Variants in TANC2 observed in about 807,000 individuals in gnomAD.
TANC2 encodes tetratricopeptide repeat, ankyrin repeat and coiled-coil containing 2.
Under a neutral mutation model 210.5 loss-of-function variants are expected in TANC2, and 26 were observed. That is an observed-to-expected ratio of 0.12 (90% CI 0.09 to 0.17). TANC2 has a LOEUF of 0.17. TANC2 is among the 10% of genes least tolerant of loss of function. TANC2 has a pLI of 1.00. For missense variants in TANC2, 2,129 were observed against 2,608.9 expected, an observed-to-expected ratio of 0.82 and a Z score of 4.01; for synonymous variants, 931 against 967.1, an observed-to-expected ratio of 0.96 and a Z score of 0.69.
intron 11 of TANC2, chr17:63,332,112 G>T: frequency 2.9e-6 from 1 of 346,476 alleles, no homozygotes; most frequent in Non-Finnish European, 5.7e-6. Context: ...GGTACCACAG[G>T]AGAATTTTTG....
At chr17:63,090,336 A>G (rs2037137823) in intron 3 of TANC2, among the ~76,000 whole-genome samples, 1 of 151,540 alleles carries the variant, frequency 6.6e-6, no homozygotes, top group African/African-American at 2.4e-5. Flanking sequence ...TACATTAGGT[A>G]CATCTCCTAG....
In TANC2 at chr17:63,091,387, A is replaced by G. The variant is rs1270101970; in HGVS notation, c.140-7788A>G. Reference sequence around the variant, plus strand: ...TAATCCATCTTGAATTAATTTTTGTATAAGGTGAAAGGAAGGGATCCAGTT... The same window carrying G: ...TAATCCATCTTGAATTAATTTTTGTGTAAGGTGAAAGGAAGGGATCCAGTT... On this transcript the variant is annotated intron_variant, in intron 3 of 27. Transcript: ENST00000689528. 3.9e-5 allele frequency among the ~76,000 whole-genome samples: 6 copies of G among 152,166 alleles called. No individual in the cohort carries two copies. The South Asian group carries it at 6.2e-4, about 16-fold the overall frequency.
intron 2 of TANC2, among the ~76,000 whole-genome samples, chr17:63,024,572 C>CTAACT (rs1370561749): frequency 2.0e-5 from 3 of 152,140 alleles, no homozygotes; most frequent in African/African-American, 7.2e-5. Context: ...TAAGAATGCC[C>CTAACT]TAACTTACTG....
At chr17:63,233,736 G>A (rs1437818564) in intron 7 of TANC2, among the ~76,000 whole-genome samples, 2 of 152,184 alleles carry the variant, frequency 1.3e-5, no homozygotes, top group African/African-American at 4.8e-5. Context: ...GCACACCACT[G>A]GCCCCAACCC....
chr17:63,027,683 T>C (rs1172575719), intron 2 of TANC2, among the ~76,000 whole-genome samples: 1 of 152,006 alleles, frequency 6.6e-6, no homozygotes, highest in African/African-American at 2.4e-5. Context: ...CATGTACTCA[T>C]AATAGTGAAA....
chr17:62,990,058 T>C (rs991116879), intron 1 of TANC2, among the ~76,000 whole-genome samples: 2 of 152,160 alleles, frequency 1.3e-5, no homozygotes, highest in African/African-American at 2.4e-5. Context: ...ATTACAGGCA[T>C]GAGCCACTGC....
intron 7 of TANC2, among the ~76,000 whole-genome samples, chr17:63,207,915 A>G (rs2041772378): frequency 6.6e-6 from 1 of 152,208 alleles, no homozygotes; most frequent in Admixed American, 6.5e-5. Flanking sequence ...TCATTTTGCC[A>G]ATCTGGATGA....
intron 7 of TANC2, among the ~76,000 whole-genome samples, chr17:63,218,287 C>A (rs1405595284): frequency 1.3e-5 from 2 of 151,648 alleles, no homozygotes. Flanking sequence ...AAAAAAAAAT[C>A]GACAAAAAGT....
intron 5 of TANC2, among the ~76,000 whole-genome samples, chr17:63,166,576 G>A (rs905958647): frequency 1.3e-5 from 2 of 152,180 alleles, no homozygotes; most frequent in African/African-American, 4.8e-5. Context: ...GATTCTAACT[G>A]CAAAAGAAAA....
Position 63,369,945 on chromosome 17 carries a change from A to G in TANC2, c.2583-9773A>G, listed in dbSNP as rs867081949. Among the ~76,000 whole-genome samples, 4 of 151,438 alleles carry G rather than the reference A, an allele frequency of 2.6e-5. No homozygotes were observed. The South Asian group carries it at 6.3e-4, about 24-fold the overall frequency. Reference sequence around the variant, plus strand: ...CCCTCCATCCTTACCTTCCCTACACAAAAAAAAGACCAAGCGCTTTTGAGT... The same window carrying G: ...CCCTCCATCCTTACCTTCCCTACACGAAAAAAAGACCAAGCGCTTTTGAGT... On this transcript the variant is annotated intron_variant, in intron 14 of 27. Transcript: ENST00000689528.
intron 3 of TANC2, chr17:63,089,097 C>G (rs926383815): frequency 6.6e-6 from 1 of 152,228 alleles, no homozygotes; most frequent in African/African-American, 2.4e-5. Flanking sequence ...CAAGTCTGCA[C>G]TGGAGATTCT....
intron 9 of TANC2, among the ~76,000 whole-genome samples, chr17:63,294,698 T>G (rs1401794280): frequency 1.3e-5 from 2 of 152,190 alleles, no homozygotes; most frequent in East Asian, 3.9e-4. Flanking sequence ...ACCTATCTCT[T>G]TATGCACCTA....
chr17:63,307,657 C>A (rs1031363042), intron 9 of TANC2, among the ~76,000 whole-genome samples: 1 of 152,114 alleles, frequency 6.6e-6, no homozygotes. Flanking sequence ...TGGTGTGGTT[C>A]TTTGATTTTC....
At chr17:63,172,650 C>T (rs2040443755) in intron 5 of TANC2, among the ~76,000 whole-genome samples, 1 of 152,090 alleles carries the variant, frequency 6.6e-6, no homozygotes. Flanking sequence ...GTGATGTAGT[C>T]ACTGAAACAT....
intron 1 of TANC2, among the ~76,000 whole-genome samples, chr17:62,968,213 T>C (rs1293541219): frequency 6.6e-6 from 1 of 152,216 alleles, no homozygotes; most frequent in Non-Finnish European, 1.5e-5. Context: ...AGTGTGAATA[T>C]ACTATATAAC....
intron 8 of TANC2, among the ~76,000 whole-genome samples, chr17:63,259,083 G>T (rs180746511): frequency 1.3e-5 from 2 of 152,116 alleles, no homozygotes; most frequent in Admixed American, 1.3e-4. Context: ...AAGGTAGCAG[G>T]TTCCCTTCTG....
At chr17:63,210,253 C>T (rs2041844141) in intron 7 of TANC2, among the ~76,000 whole-genome samples, 1 of 152,202 alleles carries the variant, frequency 6.6e-6, no homozygotes, top group Non-Finnish European at 1.5e-5. Context: ...CTCTCTGTTC[C>T]TTGACTCCTA....
At chr17:63,140,122 A>G (rs750138230) in intron 4 of TANC2, among the ~76,000 whole-genome samples, 3 of 152,228 alleles carry the variant, frequency 2.0e-5, no homozygotes, top group Non-Finnish European at 2.9e-5. Flanking sequence ...TAACTAGAAG[A>G]TTAACTAGAA....
chr17:63,099,063 G>T, intron 3 of TANC2, 112 bp from the exon 4 acceptor site: 1 of 1,111,516 alleles, frequency 9.0e-7, no homozygotes, highest in South Asian at 1.4e-5. Context: ...AAAATACTTT[G>T]ATTTTTCACA....
Sources: allele counts gnomAD v4.1 joint callset (sites outside exome capture counted in the v4.1 genomes callset), GRCh38; gene constraint gnomAD v4.1.1; transcripts MANE v1.5; gene names NCBI Gene and HGNC (gene_info 2026-07-23, HGNC 2026-07-21).